Variants in PRKCH observed in about 807,000 individuals in gnomAD.
The protein encoded by PRKCH is protein kinase C eta.
Under a neutral mutation model 82.5 loss-of-function variants are expected in PRKCH, and 28 were observed. That is an observed-to-expected ratio of 0.34 (90% CI 0.25 to 0.47). The LOEUF is 0.47. Among genes scored for constraint, PRKCH ranks in the 20% least tolerant of loss-of-function variants. The pLI, the probability that PRKCH is intolerant of heterozygous loss-of-function variation, is 1.00. For synonymous variants in PRKCH, 322 were observed against 327.4 expected (o/e 0.98, Z 0.18); for missense variants, 705 against 881.8 (o/e 0.80, Z 2.54).
At chr14:61,477,942 C>T (rs1885802003) in intron 9 of PRKCH, among the ~76,000 whole-genome samples, 1 of 152,132 alleles carries the variant, frequency 6.6e-6, no homozygotes, top group Non-Finnish European at 1.5e-5. Flanking sequence ...TGTGTGTGTA[C>T]CTCCGCCAGT....
At chr14:61,368,152 G>A (rs1018448350) in intron 1 of PRKCH, among the ~76,000 whole-genome samples, 12 of 151,892 alleles carry the variant, frequency 7.9e-5, no homozygotes, top group African/African-American at 1.9e-4. Flanking sequence ...ATTCCCAGCC[G>A]GCTGCTAAGC....
intron 9 of PRKCH, among the ~76,000 whole-genome samples, chr14:61,480,251 T>C (rs187701581): frequency 1.3e-5 from 2 of 152,356 alleles, no homozygotes; most frequent in East Asian, 3.9e-4. Context: ...CTCTCTGCCA[T>C]AGGAGTGACT....
intron 1 of PRKCH, among the ~76,000 whole-genome samples, chr14:61,329,749 G>T (rs933107825): frequency 6.6e-6 from 1 of 152,112 alleles, no homozygotes; most frequent in Non-Finnish European, 1.5e-5. Context: ...TGCCAGTCTG[G>T]GTTTGGTCCT....
At chr14:61,489,347 T>C (rs1045891167) in intron 10 of PRKCH, among the ~76,000 whole-genome samples, 1 of 152,220 alleles carries the variant, frequency 6.6e-6, no homozygotes, top group Non-Finnish European at 1.5e-5. Context: ...GATGATACCA[T>C]ATGCAAGTCA....
chr14:61,407,704 C>G (rs182287697), intron 2 of PRKCH, among the ~76,000 whole-genome samples: 1 of 152,320 alleles, frequency 6.6e-6, no homozygotes, highest in Non-Finnish European at 1.5e-5. Flanking sequence ...GTCTTTGCCT[C>G]TCTGAATGCT....
intron 1 of PRKCH, among the ~76,000 whole-genome samples, chr14:61,210,123 T>TATAG (rs2044560304): frequency 1.1e-4 from 3 of 27,258 alleles, no homozygotes; most frequent in Middle Eastern, 0.01. Context: ...TATATATATA[T>TATAG]ATATATATAT....
intron 10 of PRKCH, among the ~76,000 whole-genome samples, chr14:61,487,035 A>G (rs186236183): frequency 1.3e-5 from 2 of 152,320 alleles, no homozygotes; most frequent in Admixed American, 1.3e-4. Flanking sequence ...ATACCGTGGG[A>G]GTCAAAATAG....
chr14:61,440,562 T>C (rs1883910317), intron 2 of PRKCH, among the ~76,000 whole-genome samples: 1 of 152,146 alleles, frequency 6.6e-6, no homozygotes, highest in African/African-American at 2.4e-5. Flanking sequence ...ACAGGTATTG[T>C]CACATTGGTC....
intron 1 of PRKCH, among the ~76,000 whole-genome samples, chr14:61,242,820 A>G (rs1329807631): frequency 6.6e-6 from 1 of 152,012 alleles, no homozygotes; most frequent in Non-Finnish European, 1.5e-5. Flanking sequence ...AATTCTTTGT[A>G]TTTTTCTGCA....
intron 12 of PRKCH, among the ~76,000 whole-genome samples, chr14:61,535,646 A>G (rs1241855952): frequency 1.3e-5 from 2 of 152,258 alleles, no homozygotes; most frequent in African/African-American, 4.8e-5. Context: ...GAAGGAGTCT[A>G]CACTTTATCT....
chr14:61,519,317 G>GAATA (rs57492171), intron 10 of PRKCH, among the ~76,000 whole-genome samples: 1,518 of 115,068 alleles, frequency 0.013, 21 homozygotes, highest in African/African-American at 0.036. Flanking sequence ...ATGAATGAAT[G>GAATA]AATAAATAAA....
chr14:61,421,409 A>C (rs552684962), intron 2 of PRKCH, among the ~76,000 whole-genome samples: 54 of 152,308 alleles, frequency 3.5e-4, no homozygotes, highest in African/African-American at 1.3e-3. Flanking sequence ...TTGCATAATC[A>C]TCACAAGTCA....
intron 1 of PRKCH, among the ~76,000 whole-genome samples, chr14:61,388,147 CAAAAA>C (rs569642184): frequency 3.4e-5 from 3 of 87,924 alleles, no homozygotes; most frequent in African/African-American, 7.6e-5. Context: ...GACTCTGTCT[CAAAAA>C]AAAAAAAAAA....
chr14:61,368,985 T>C (rs1282515915), intron 1 of PRKCH, among the ~76,000 whole-genome samples: 2 of 152,162 alleles, frequency 1.3e-5, no homozygotes, highest in African/African-American at 4.8e-5. Context: ...GCTGCTCATA[T>C]TTCCATTCTA....
At chr14:61,391,981 C>G (rs572615686) in intron 2 of PRKCH, among the ~76,000 whole-genome samples, 1 of 152,144 alleles carries the variant, frequency 6.6e-6, no homozygotes, top group Non-Finnish European at 1.5e-5. Context: ...TTTACCTACC[C>G]TAGAAGTTCA....
At chr14:61,422,333 T>G (rs1882880020) in intron 2 of PRKCH, among the ~76,000 whole-genome samples, 1 of 152,152 alleles carries the variant, frequency 6.6e-6, no homozygotes, top group Non-Finnish European at 1.5e-5. Context: ...GATCCTCCCC[T>G]CCTGCCATGG....
intron 1 of PRKCH, among the ~76,000 whole-genome samples, chr14:61,205,232 G>A (rs2044513116): frequency 6.6e-6 from 1 of 152,234 alleles, no homozygotes; most frequent in South Asian, 2.1e-4. Flanking sequence ...AACAGTGACA[G>A]ATGGGCTTCA....
Position 61,391,280 on chromosome 14 carries a change from T to G in PRKCH, c.419T>G (p.Phe140Cys). The G allele has an allele frequency of 6.2e-7, 1 of 1,609,564 alleles. No homozygotes were observed. The highest frequency in any genetic ancestry group is 8.5e-7 in the Non-Finnish European group (1 of 1,177,906). ...VFVVITLTGS[F>C]TEATLQRDRI... ...GTGGTAATAACCCTTACCGGGAGTTTCACTGAAGGTAAGAATGAGTTTTGG... is the reference window on the plus strand; with the variant it reads ...GTGGTAATAACCCTTACCGGGAGTTGCACTGAAGGTAAGAATGAGTTTTGG... Residue 140 changes from phenylalanine (F) to cysteine (C), a missense_variant, in exon 2 of 14, where the codon TTC (phenylalanine) becomes TGC (cysteine). This residue lies in a region of PRKCH where 246 missense variants were observed against 308.0 expected (regional missense o/e 0.80). Coordinates refer to ENST00000332981, the MANE Select transcript of PRKCH (RefSeq NM_006255.5).
intron 1 of PRKCH, among the ~76,000 whole-genome samples, chr14:61,200,806 T>A (rs1433382320): frequency 2.0e-5 from 3 of 152,286 alleles, no homozygotes; most frequent in Admixed American, 6.5e-5. Context: ...TCTCTTACTG[T>A]GACTAATTTA....
Sources: allele counts gnomAD v4.1 joint callset (sites outside exome capture counted in the v4.1 genomes callset), GRCh38; gene constraint gnomAD v4.1.1; regional missense constraint gnomAD v4.1.1; transcripts MANE v1.5; gene names NCBI Gene and HGNC (gene_info 2026-07-23, HGNC 2026-07-21).